The following LIN7C variants were observed in gnomAD, a reference collection of about 807,000 sequenced individuals.
The protein encoded by LIN7C is protein lin-7 homolog C.
A neutral mutation model predicts 24.7 loss-of-function variants in LIN7C; 17 were observed. The observed-to-expected ratio is 0.69, with a 90% CI of 0.47 to 1.03. LIN7C has a LOEUF of 1.03. Ranked by LOEUF, LIN7C falls within the 50% of genes least tolerant of loss-of-function variation. The probability of loss-of-function intolerance (pLI) is 0.00; values close to 1 mark genes in which losing one functional copy is unlikely to be tolerated. For synonymous variants in LIN7C, 90 were observed against 83.4 expected (o/e 1.08, Z -0.43); for missense variants, 204 against 239.0 (o/e 0.85, Z 0.97).
Position 27,497,840 on chromosome 11 carries a change from A to G in LIN7C, c.*809T>C, listed in dbSNP as rs1865186100. 1 of 152,178 alleles carries G rather than the reference A, an allele frequency of 6.6e-6. No individual in the cohort carries two copies. Among genetic ancestry groups the G allele is most frequent in the Admixed American group, 6.5e-5 (1 of 15,280 alleles). 9.4% of individuals were successfully genotyped at this position (152,178 alleles called of 1,614,324 possible). On this transcript the variant is annotated 3_prime_UTR_variant, in exon 5 of 5. Coordinates refer to ENST00000278193, the MANE Select transcript of LIN7C (RefSeq NM_018362.4). ...ATGAATAGTATTTAAAAGAAATCACAAAAGATGAAATCTGAACCTGTTTTG... is the reference window on the plus strand; with the variant it reads ...ATGAATAGTATTTAAAAGAAATCACGAAAGATGAAATCTGAACCTGTTTTG...
intron 1 of LIN7C, among the ~76,000 whole-genome samples, chr11:27,503,129 A>C (rs534970449): frequency 5.3e-5 from 8 of 152,232 alleles, no homozygotes; most frequent in African/African-American, 9.6e-5. Context: ...AAAACCAAAC[A>C]AAACAAAAAC....
At position 27,501,809 on chromosome 11, in the gene LIN7C, A is replaced by T; in HGVS notation, c.149T>A (p.Val50Glu). Reference protein sequence around the residue: ...RVLQSEFCNAVREVYEHVYET... With the variant: ...RVLQSEFCNAEREVYEHVYET... ...TTAATGATGTTTACTCACCTCTCTC[A>T]CAGCATTGCAGAATTCACTTTGAAG... Residue 50 changes from valine (V) to glutamate (E), a missense_variant, in exon 2 of 5, where the codon GTG becomes GAG. Around this residue, in one of 3 missense-constraint regions of LIN7C, gnomAD observed 126 missense variants for 117.8 expected, o/e 1.07. Transcript: ENST00000278193. 2 of 1,598,470 alleles carry T rather than the reference A, an allele frequency of 1.3e-6. No homozygotes were observed. The highest frequency in any genetic ancestry group is 1.7e-6 in the Non-Finnish European group (2 of 1,166,604).
At position 27,496,392 on chromosome 11, in the gene LIN7C, T is replaced by C. The variant is rs1865170601; in HGVS notation, c.*2257A>G. 6.6e-6 allele frequency: 1 copy of C among 152,192 alleles called. No homozygotes were observed. The highest frequency in any genetic ancestry group is 1.9e-4 in the East Asian group (1 of 5,200). 9.4% of individuals were successfully genotyped at this position (152,192 alleles called of 1,614,324 possible). On this transcript the variant is annotated 3_prime_UTR_variant, in exon 5 of 5. Coordinates refer to ENST00000278193, the MANE Select transcript of LIN7C (RefSeq NM_018362.4). ...CCTAGTTTTATTCACGAATCATCCA[T>C]TTCTAAGATAAAAATTCCCATCATT...
intron 1 of LIN7C, among the ~76,000 whole-genome samples, chr11:27,503,817 ATTAT>A (rs961260059): frequency 2.8e-5 from 4 of 143,160 alleles, no homozygotes; most frequent in African/African-American, 5.2e-5. Flanking sequence ...TGGCAGAAAG[ATTAT>A]TTATTTATTT....
At chr11:27,501,078 A>G (rs571408632) in intron 3 of LIN7C, among the ~76,000 whole-genome samples, 33 of 152,310 alleles carry the variant, frequency 2.2e-4, no homozygotes, top group African/African-American at 7.7e-4. Context: ...CAGCTCTATC[A>G]TATGCTATTT....
intron 1 of LIN7C, among the ~76,000 whole-genome samples, chr11:27,505,108 G>A (rs1865263829): frequency 6.6e-6 from 1 of 152,130 alleles, no homozygotes; most frequent in Admixed American, 6.5e-5. Context: ...CGAGGCGGGC[G>A]GACTTCCTAA....
Position 27,506,747 on chromosome 11 carries a change from C to T in LIN7C, c.6G>A (p.Ala2=), listed in dbSNP as rs755466224. 3 of 1,613,986 alleles carry T rather than the reference C, an allele frequency of 1.9e-6. No homozygotes were observed. In the African/African-American group the frequency reaches 4.0e-5, roughly 22 times the overall value. The change falls in exon 1 of 5, where the codon GCG becomes GCA. Residue 2 remains alanine, a synonymous_variant. Transcript: ENST00000278193. ...CCAGCCGCACGGGTTCCCCTAGCGC[C>T]GCCATCTTCTCCCTTAACCTACAGA... is the stretch of plus-strand genomic sequence containing the variant. The part of the protein sequence containing the change: M[A]ALGEPVRLER...
chr11:27,501,920 T>C lies in LIN7C; in HGVS notation c.38A>G (p.Asp13Gly), dbSNP rs746391849. The C allele has an allele frequency of 2.6e-6, 4 of 1,556,810 alleles. No homozygotes were observed. The highest frequency in any genetic ancestry group is 1.7e-5 in the Admixed American group (1 of 59,698). ...ALGEPVRLER[D>G]ICRAIELLEK... The stretch of plus-strand genomic sequence containing the variant: ...CAATAATTCAATTGCTCTACAAATA[T>C]CTAGAGTTAAACACACACACAGATA... The change falls in exon 2 of 5, where the codon GAT (aspartate) becomes GGT (glycine). Residue 13 changes from aspartate (D) to glycine (G), a missense_variant and splice_region_variant. Physicochemically the swap from Asp to Gly is moderately conservative, Grantham distance 94. This residue lies in a region of LIN7C where 126 missense variants were observed against 117.8 expected (regional missense o/e 1.07). Transcript: ENST00000278193.
intron 1 of LIN7C, among the ~76,000 whole-genome samples, chr11:27,505,346 A>G (rs1194911221): frequency 1.3e-5 from 2 of 152,230 alleles, no homozygotes; most frequent in Non-Finnish European, 2.9e-5. Context: ...CAGCAACAAC[A>G]AAAACACAAA....
rs763393024 is a variant in LIN7C, at chr11:27,494,511, C to G, written c.*4138G>C. 3.9e-5 allele frequency: 6 copies of G among 152,266 alleles called. No homozygotes were observed. The highest frequency in any genetic ancestry group is 7.3e-5 in the Non-Finnish European group (5 of 68,028). The allele number at this position is 152,266 out of a possible 1,614,324, so 9.4% of individuals were successfully genotyped here. ...CAGGAATTATGTTTTTTTATACATA[C>G]CTTTCATAAACGTTATCTATTGTGT... On this transcript the variant is annotated 3_prime_UTR_variant, in exon 5 of 5. Transcript: ENST00000278193.
intron 1 of LIN7C, among the ~76,000 whole-genome samples, chr11:27,505,476 G>C (rs1865272442): frequency 6.6e-6 from 1 of 152,212 alleles, no homozygotes; most frequent in South Asian, 2.1e-4. Flanking sequence ...GAAGATGTCA[G>C]AGACTTAGGC....
chr11:27,499,564 G>A lies in LIN7C; in HGVS notation c.233C>T (p.Thr78Ile), dbSNP rs1565113363. ...TTCACTGGCAGCAAATGCAGCAACA[G>A]TAGCCTGAAAGAAAGTTTTACATAT... The part of the protein sequence containing the change: ...EVRANATAKA[T>I]VAAFAASEGH... Residue 78 changes from threonine to isoleucine, a missense_variant, in exon 4 of 5, where the codon ACT (threonine) becomes ATT (isoleucine). Transcript: ENST00000278193. 1 of 1,613,358 alleles carries A rather than the reference G, an allele frequency of 6.2e-7. No individual in the cohort carries two copies.
intron 1 of LIN7C, among the ~76,000 whole-genome samples, chr11:27,503,056 AGT>A (rs1357354822): frequency 8.5e-5 from 13 of 152,214 alleles, no homozygotes; most frequent in Non-Finnish European, 1.9e-4. Flanking sequence ...TGGAGGTTGC[AGT>A]GAGCTGAGAT....
chr11:27,499,900 T>C, intron 3 of LIN7C, among the ~76,000 whole-genome samples: 1 of 152,238 alleles, frequency 6.6e-6, no homozygotes, highest in East Asian at 1.9e-4. Context: ...GTGCTGGGAT[T>C]ACAGGCGTGA....
At chr11:27,498,889 T>C (rs138931629) in intron 4 of LIN7C, 85 bp from the exon 5 acceptor site, 2 of 1,161,766 alleles carry the variant, frequency 1.7e-6, no homozygotes, top group East Asian at 2.5e-5. Flanking sequence ...ACAATATATA[T>C]AATGAAGAAA....
At position 27,506,696 on chromosome 11, in the gene LIN7C, C is replaced by T; in HGVS notation, c.37+20G>A. 1.1e-5 allele frequency: 17 copies of T among 1,613,688 alleles called. No homozygotes were observed. The highest frequency in any genetic ancestry group is 1.3e-5 in the Non-Finnish European group (15 of 1,179,934). On this transcript the variant is annotated intron_variant, in intron 1 of 4. Transcript: ENST00000278193. ...CCCCAACCCTTCCGCCCACCTCCGCCGAGCCTCGGCTGCACTCACCTCTCT... is the reference window on the plus strand; with the variant it reads ...CCCCAACCCTTCCGCCCACCTCCGCTGAGCCTCGGCTGCACTCACCTCTCT...
At chr11:27,499,696 C>A in intron 3 of LIN7C, 128 bp from the exon 4 acceptor site, 1 of 769,936 alleles carries the variant, frequency 1.3e-6, no homozygotes, top group Non-Finnish European at 2.1e-6. Context: ...GATCTTGGCT[C>A]ACTGCAAGCT....
At chr11:27,504,200 A>C (rs1328820267) in intron 1 of LIN7C, among the ~76,000 whole-genome samples, 1 of 152,264 alleles carries the variant, frequency 6.6e-6, no homozygotes, top group South Asian at 2.1e-4. Context: ...ATAGACCTTC[A>C]CCATTCTGAT....
At position 27,498,833 on chromosome 11, in the gene LIN7C, C is replaced by T. The variant is rs113064899; in HGVS notation, c.439-29G>A. 92 of 1,590,472 alleles carry T rather than the reference C, an allele frequency of 5.8e-5. No homozygotes were observed. The African/African-American group carries it at 8.3e-4, about 14-fold the overall frequency. ...GGGGAAAAAAAAACAACCAACCATA[C>T]ACTAATATCTAAGTTTTGAAAGTAA... On this transcript the variant is annotated intron_variant, in intron 4 of 4. Coordinates refer to ENST00000278193, the MANE Select transcript of LIN7C (RefSeq NM_018362.4).
Sources: allele counts gnomAD v4.1 joint callset (sites outside exome capture counted in the v4.1 genomes callset), GRCh38; gene constraint gnomAD v4.1.1; regional missense constraint gnomAD v4.1.1; transcripts MANE v1.5; gene names NCBI Gene and HGNC (gene_info 2026-07-23, HGNC 2026-07-21).